The following PSMC1 variants were observed in gnomAD, a reference collection of about 807,000 sequenced individuals.
PSMC1 encodes 26S proteasome regulatory subunit 4.
PSMC1 carries 5 observed loss-of-function variants against 49.8 expected under a neutral mutation model. That is an observed-to-expected ratio of 0.10 (90% CI 0.05 to 0.21). The LOEUF is 0.21. Among genes scored for constraint, PSMC1 ranks in the 10% least tolerant of loss-of-function variants. The pLI is 1.00. For synonymous variants in PSMC1, 155 were observed against 192.1 expected (o/e 0.81, Z 1.60); for missense variants, 181 against 535.7 (o/e 0.34, Z 6.54).
chr14:90,256,713 T>C, intron 1 of PSMC1, 113 bp downstream of exon 1: 2 of 1,500,380 alleles, frequency 1.3e-6, no homozygotes, highest in South Asian at 1.2e-5. Flanking sequence ...CCTCTTCTCC[T>C]TTTGCCGGCC....
intron 8 of PSMC1, 96 bp from the exon 9 acceptor site, chr14:90,269,301 G>T: frequency 9.2e-7 from 1 of 1,088,650 alleles, no homozygotes; most frequent in Non-Finnish European, 1.3e-6. Context: ...AGGAATGTTT[G>T]TTAAGGTGTT....
chr14:90,264,117 A>G lies in PSMC1; in HGVS notation c.542A>G (p.Gln181Arg). 6.2e-7 allele frequency: 1 copy of G among 1,613,378 alleles called. No homozygotes were observed. Among genetic ancestry groups the G allele is most frequent in the Non-Finnish European group, 8.5e-7 (1 of 1,179,852 alleles). The change falls in exon 6 of 11, where the codon CAG (glutamine) becomes CGG (arginine). Residue 181 changes from glutamine (Q) to arginine (R), a missense_variant. Coordinates refer to ENST00000261303, the MANE Select transcript of PSMC1 (RefSeq NM_002802.3). Reference sequence around the variant, plus strand: ...GTGATGAAGGTAGAAAAGGCCCCCCAGGAGACCTATGCAGATATTGGGGGG... The same window carrying G: ...GTGATGAAGGTAGAAAAGGCCCCCCGGGAGACCTATGCAGATATTGGGGGG... ...VTVMKVEKAP[Q>R]ETYADIGGLD...
intron 6 of PSMC1, among the ~76,000 whole-genome samples, chr14:90,264,387 CCTT>C (rs1285688546): frequency 6.6e-6 from 1 of 152,158 alleles, no homozygotes; most frequent in Non-Finnish European, 1.5e-5. Flanking sequence ...GCTGCAGCTT[CCTT>C]CTTTTTAGTG....
At chr14:90,261,478 T>A (rs1336386137) in intron 3 of PSMC1, among the ~76,000 whole-genome samples, 1 of 152,210 alleles carries the variant, frequency 6.6e-6, no homozygotes. Context: ...ACCAGTCATG[T>A]TACATGGATA....
intron 9 of PSMC1, chr14:90,269,847 G>A: frequency 2.5e-6 from 1 of 392,500 alleles, no homozygotes; most frequent in Non-Finnish European, 4.5e-6. Flanking sequence ...TGTGATGGTA[G>A]GATTTGTCCT....
chr14:90,261,401 C>T (rs1195008413), intron 3 of PSMC1, among the ~76,000 whole-genome samples: 2 of 152,176 alleles, frequency 1.3e-5, no homozygotes, highest in East Asian at 3.8e-4. Context: ...AGCCATTGGT[C>T]TACCATAATG....
chr14:90,270,385 G>A, intron 10 of PSMC1, 33 bp downstream of exon 10: 2 of 1,596,872 alleles, frequency 1.3e-6, no homozygotes, highest in South Asian at 1.1e-5. Context: ...TTATTTCTGG[G>A]AATGTGGCCG....
chr14:90,268,265 G>T lies in PSMC1; in HGVS notation c.733G>T (p.Ala245Ser). 1 of 1,605,196 alleles carries T rather than the reference G, an allele frequency of 6.2e-7. No homozygotes were observed. The change falls in exon 8 of 11, where the codon GCC becomes TCC. Residue 245 changes from alanine to serine, a missense_variant. Ala to Ser is a moderately conservative substitution (Grantham distance 99). Transcript: ENST00000261303. ...CAAAGCAGTAGCAAACCAAACCTCA[G>T]CCACTTTCTTGAGAGTGGTTGGCTC... ...LAKAVANQTS[A>S]TFLRVVGSEL...
In PSMC1 at chr14:90,268,489, T is replaced by G. The variant is rs1891576148; in HGVS notation, c.881+76T>G. 5.0e-6 allele frequency: 7 copies of G among 1,399,094 alleles called. No individual in the cohort carries two copies. In the Admixed American group the frequency reaches 9.1e-5, roughly 18 times the overall value. 86.7% of individuals were successfully genotyped at this position (1,399,094 alleles called of 1,614,324 possible). A position where few individuals can be genotyped will look rare whatever the true frequency, so the allele number is the denominator to read the frequency against. On this transcript the variant is annotated intron_variant, in intron 8 of 10. Transcript: ENST00000261303. ...GCTCTTCTCTTGAGAATGAGCAATC[T>G]CAGGGGGCTCTCCCTATGGCCACAG...
chr14:90,264,216 T>C (rs45607744), intron 6 of PSMC1, 47 bp downstream of exon 6: 157,156 of 1,605,738 alleles, frequency 0.098, 8,118 homozygotes, highest in South Asian at 0.11. Context: ...TTGGTTTCTG[T>C]TGTCCCATTT....
intron 3 of PSMC1, among the ~76,000 whole-genome samples, chr14:90,262,179 A>G (rs935876386): frequency 2.1e-5 from 3 of 145,144 alleles, no homozygotes; most frequent in South Asian, 2.4e-4. Context: ...GGATAGCATT[A>G]GGAGATATAC....
chr14:90,272,006 C>CCT lies in PSMC1; in HGVS notation c.1189-265_1189-264dup, dbSNP rs1312394161. The CCT allele has an allele frequency of 3.7e-6, 1 of 273,246 alleles. No individual in the cohort carries two copies. Among genetic ancestry groups the CCT allele is most frequent in the African/African-American group, 2.3e-5 (1 of 42,932 alleles). The allele number at this position is 273,246 out of a possible 1,614,324, so 16.9% of individuals were successfully genotyped here. A position where few individuals can be genotyped will look rare whatever the true frequency, so the allele number is the denominator to read the frequency against. ...CTCCCGGGTTCAAGCAATTCTCCTG[C>CCT]CTCAGCCTCCCGAGTAGCTAGGATT... On this transcript the variant is annotated intron_variant, in intron 10 of 10. Transcript: ENST00000261303. The surrounding 1 kb of genome is among the most constrained non-coding windows in gnomAD (Gnocchi z 4.5).
chr14:90,267,225 G>T (rs1891541015), intron 7 of PSMC1, among the ~76,000 whole-genome samples: 1 of 151,858 alleles, frequency 6.6e-6, no homozygotes, highest in Non-Finnish European at 1.5e-5. Flanking sequence ...CGCCTCCCGG[G>T]TTCAAGCGAT....
chr14:90,271,997 A>G, intron 10 of PSMC1: 4 of 261,558 alleles, frequency 1.5e-5, no homozygotes, highest in South Asian at 3.7e-5. Flanking sequence ...GGTTCAAGCA[A>G]TTCTCCTGCC....
intron 3 of PSMC1, 76 bp downstream of exon 3, chr14:90,260,287 G>C (rs1175750625): frequency 9.3e-7 from 1 of 1,074,432 alleles, no homozygotes; most frequent in Non-Finnish European, 1.4e-6. Context: ...CTTAGAGTCT[G>C]AAAGGGGTAA....
At chr14:90,257,540 T>C (rs959293892) in intron 1 of PSMC1, among the ~76,000 whole-genome samples, 1 of 152,162 alleles carries the variant, frequency 6.6e-6, no homozygotes, top group Admixed American at 6.5e-5. Flanking sequence ...GGACCTGAGA[T>C]GGGAATGTTT....
intron 3 of PSMC1, among the ~76,000 whole-genome samples, chr14:90,261,666 G>C (rs1394613639): frequency 6.6e-6 from 1 of 152,182 alleles, no homozygotes; most frequent in East Asian, 1.9e-4. Context: ...GTGCTGGAGA[G>C]GATGTGGAGA....
intron 1 of PSMC1, among the ~76,000 whole-genome samples, chr14:90,257,553 C>A (rs2139639659): frequency 6.6e-6 from 1 of 152,258 alleles, no homozygotes; most frequent in East Asian, 1.9e-4. Flanking sequence ...GAATGTTTAA[C>A]CTGTATCATG....
intron 7 of PSMC1, 115 bp from the exon 8 acceptor site, chr14:90,268,109 A>G: frequency 1.3e-6 from 1 of 777,862 alleles, no homozygotes; most frequent in East Asian, 2.7e-5. Flanking sequence ...GCCATGCCTT[A>G]GCATGAGGGC....
Sources: allele counts gnomAD v4.1 joint callset (sites outside exome capture counted in the v4.1 genomes callset), GRCh38; gene constraint gnomAD v4.1.1; non-coding constraint Gnocchi (gnomAD v3.1); transcripts MANE v1.5; gene names NCBI Gene and HGNC (gene_info 2026-07-23, HGNC 2026-07-21).